The following GRM5 variants were observed in gnomAD, a reference collection of about 807,000 sequenced individuals.
The protein encoded by GRM5 is glutamate metabotropic receptor 5.
GRM5 carries 19 observed loss-of-function variants against 83.1 expected under a neutral mutation model. The observed-to-expected ratio is 0.23, with a 90% CI of 0.16 to 0.34. GRM5 has a LOEUF of 0.34. Ranked by LOEUF, GRM5 falls within the 10% of genes least tolerant of loss-of-function variation. The pLI, the probability that GRM5 is intolerant of heterozygous loss-of-function variation, is 1.00. For synonymous variants in GRM5, 675 were observed against 633.6 expected, an observed-to-expected ratio of 1.07 and a Z score of -0.98; for missense variants, 1,160 against 1,588.3, an observed-to-expected ratio of 0.73 and a Z score of 4.58.
intron 3 of GRM5, among the ~76,000 whole-genome samples, chr11:88,834,387 T>C (rs1488290508): frequency 6.6e-6 from 1 of 152,214 alleles, no homozygotes; most frequent in Non-Finnish European, 1.5e-5. Flanking sequence ...ATAAATCATC[T>C]TGAAGCATAA....
At chr11:88,644,987 G>T (rs1478546929) in intron 4 of GRM5, among the ~76,000 whole-genome samples, 1 of 152,066 alleles carries the variant, frequency 6.6e-6, no homozygotes, top group African/African-American at 2.4e-5. Context: ...CACTTAGACA[G>T]TAAAGCATTA....
chr11:88,827,227 T>C (rs143730188), intron 3 of GRM5, among the ~76,000 whole-genome samples: 72 of 152,242 alleles, frequency 4.7e-4, no homozygotes, highest in African/African-American at 1.7e-3. Context: ...GCCATTCACC[T>C]CTCCTGTAAT....
At chr11:89,032,303 A>AT in intron 2 of GRM5, among the ~76,000 whole-genome samples, 1 of 152,108 alleles carries the variant, frequency 6.6e-6, no homozygotes, top group Non-Finnish European at 1.5e-5. Flanking sequence ...AAACACAGTG[A>AT]TAAAAACAGT....
In GRM5 at chr11:88,626,162, A is replaced by G. The variant is rs115451333; in HGVS notation, c.1148-21198T>C. On this transcript the variant is annotated intron_variant, in intron 4 of 9. Coordinates refer to ENST00000305447, the MANE Select transcript of GRM5 (RefSeq NM_001143831.3). ...GAGATTTAACAACTTGCCCAAGGTT[A>G]CAGAGATAGAAAATGGCAGAGAAGC... is the stretch of plus-strand genomic sequence containing the variant. 4.3e-3 allele frequency among the ~76,000 whole-genome samples: 649 copies of G among 152,344 alleles called. 3 individuals are homozygous for G. Among genetic ancestry groups the G allele is most frequent in the African/African-American group, 0.015 (631 of 41,580 alleles).
chr11:88,957,814 C>G (rs2135688639), intron 2 of GRM5, among the ~76,000 whole-genome samples: 1 of 152,036 alleles, frequency 6.6e-6, no homozygotes, highest in South Asian at 2.1e-4. Context: ...ATATTTCATT[C>G]ATTTTAAAAT....
At chr11:88,683,654 CTCTT>C (rs1565185150) in intron 3 of GRM5, among the ~76,000 whole-genome samples, 1 of 152,112 alleles carries the variant, frequency 6.6e-6, no homozygotes, top group East Asian at 1.9e-4. Context: ...TTAAAAGTAA[CTCTT>C]TCTGCTCTTG....
chr11:88,881,955 T>C (rs1237539489), intron 2 of GRM5, among the ~76,000 whole-genome samples: 8 of 152,166 alleles, frequency 5.3e-5, no homozygotes, highest in African/African-American at 1.7e-4. Flanking sequence ...TCAGAATTGA[T>C]GGAATGCTGG....
chr11:88,913,726 A>T (rs145523242), intron 2 of GRM5, among the ~76,000 whole-genome samples: 7 of 151,772 alleles, frequency 4.6e-5, no homozygotes, highest in Non-Finnish European at 1.0e-4. Flanking sequence ...ACATGAGATT[A>T]CCAGCATGTG....
chr11:88,695,573 T>G (rs1013708885), intron 3 of GRM5, among the ~76,000 whole-genome samples: 1 of 152,232 alleles, frequency 6.6e-6, no homozygotes, highest in South Asian at 2.1e-4. Flanking sequence ...AACATTCATA[T>G]GAGTCTAACA....
chr11:88,849,548 C>T (rs1944354242), intron 3 of GRM5, among the ~76,000 whole-genome samples: 1 of 152,148 alleles, frequency 6.6e-6, no homozygotes, highest in Admixed American at 6.5e-5. Flanking sequence ...AAACCAAGCT[C>T]ATGTAGTCAT....
intron 2 of GRM5, among the ~76,000 whole-genome samples, chr11:88,877,189 T>C: frequency 6.6e-6 from 1 of 152,154 alleles, no homozygotes; most frequent in Non-Finnish European, 1.5e-5. Context: ...TAAGGTATTA[T>C]ATACTTCAAA....
chr11:88,862,697 G>A (rs548492982), intron 2 of GRM5, among the ~76,000 whole-genome samples: 2 of 152,014 alleles, frequency 1.3e-5, no homozygotes, highest in South Asian at 4.2e-4. Flanking sequence ...GGATGTGCAG[G>A]TTTGTTACAT....
chr11:88,694,766 T>C (rs1056661542), intron 3 of GRM5, among the ~76,000 whole-genome samples: 7 of 152,190 alleles, frequency 4.6e-5, no homozygotes, highest in Non-Finnish European at 8.8e-5. Context: ...TCTTTTATTA[T>C]ATAGATATGA....
chr11:88,520,435 A>C (rs1941649811), intron 9 of GRM5, among the ~76,000 whole-genome samples: 1 of 152,182 alleles, frequency 6.6e-6, no homozygotes, highest in Non-Finnish European at 1.5e-5. Context: ...CTCAGTTTAC[A>C]TCTGTTATTA....
chr11:88,942,225 C>T (rs557024640), intron 2 of GRM5, among the ~76,000 whole-genome samples: 3 of 152,024 alleles, frequency 2.0e-5, no homozygotes, highest in Admixed American at 1.3e-4. Flanking sequence ...AAAATATACA[C>T]ATTTTAATAT....
intron 3 of GRM5, among the ~76,000 whole-genome samples, chr11:88,688,348 G>T (rs1263503300): frequency 6.6e-6 from 1 of 152,038 alleles, no homozygotes. Context: ...TCCCACTATT[G>T]GGGTATCAGA....
chr11:88,510,568 G>T (rs1006875063), intron 9 of GRM5, among the ~76,000 whole-genome samples: 6 of 152,134 alleles, frequency 3.9e-5, no homozygotes, highest in Admixed American at 1.3e-4. Flanking sequence ...CCAGGCTGAA[G>T]TGCAGTGGCG....
chr11:88,607,303 C>T (rs1397117748), intron 4 of GRM5, among the ~76,000 whole-genome samples: 1 of 152,196 alleles, frequency 6.6e-6, no homozygotes, highest in Non-Finnish European at 1.5e-5. Flanking sequence ...TTTTGAATCA[C>T]TTTTGACTCC....
chr11:88,523,304 A>T (rs1407371020), intron 9 of GRM5, among the ~76,000 whole-genome samples: 1 of 152,104 alleles, frequency 6.6e-6, no homozygotes, highest in East Asian at 1.9e-4. Flanking sequence ...TAGTCAGCTA[A>T]GTTTGCCAGG....
Sources: allele counts gnomAD v4.1 joint callset (sites outside exome capture counted in the v4.1 genomes callset), GRCh38; gene constraint gnomAD v4.1.1; transcripts MANE v1.5; gene names NCBI Gene and HGNC (gene_info 2026-07-23, HGNC 2026-07-21).